CADM1: variants seen among roughly 807,000 people sequenced by gnomAD.
The protein encoded by CADM1 is cell adhesion molecule 1.
CADM1 carries 15 observed loss-of-function variants against 53.1 expected under a neutral mutation model. The ratio of observed to expected loss-of-function variants is 0.28; its 90% CI spans 0.19 to 0.44. The LOEUF is 0.44. Among genes scored for constraint, CADM1 ranks in the 20% least tolerant of loss-of-function variants. The pLI is 1.00. For synonymous variants in CADM1, 281 were observed against 243.0 expected, an observed-to-expected ratio of 1.16 and a Z score of -1.45; for missense variants, 434 against 611.3, an observed-to-expected ratio of 0.71 and a Z score of 3.06.
intron 7 of CADM1, among the ~76,000 whole-genome samples, chr11:115,210,596 C>T (rs1940913735): frequency 6.6e-6 from 1 of 152,220 alleles, no homozygotes; most frequent in African/African-American, 2.4e-5. Flanking sequence ...ACTAAGCAAT[C>T]ATTCTGCTAT....
In CADM1 at chr11:115,494,915, A is replaced by T. The variant is rs141130474; in HGVS notation, c.124+9356T>A. On this transcript the variant is annotated intron_variant, in intron 1 of 11. Coordinates refer to ENST00000331581, the MANE Select transcript of CADM1 (RefSeq NM_001301043.2). ...TCTTAACTGGGTATTCCACTTGCCA[A>T]CCTGGCCCAGAGATGGAGAGATTTG... Among the ~76,000 whole-genome samples the T allele has an allele frequency of 5.1e-3, 782 of 152,278 alleles. 6 individuals carry two copies. The highest frequency in any genetic ancestry group is 0.018 in the African/African-American group (751 of 41,548).
chr11:115,284,182 G>A lies in CADM1; in HGVS notation c.125-43762C>T, dbSNP rs919518425. 6.0e-5 allele frequency among the ~76,000 whole-genome samples: 9 copies of A among 150,814 alleles called. No homozygotes were observed. The South Asian group carries it at 6.3e-4, about 11-fold the overall frequency. ...TGGTGAGGAGGCAGAGAAAGCAGAC[G>A]TGGGCAGACAAGAGAAGCACTTGTA... On this transcript the variant is annotated intron_variant, in intron 1 of 11. Coordinates refer to ENST00000331581, the MANE Select transcript of CADM1 (RefSeq NM_001301043.2).
intron 1 of CADM1, among the ~76,000 whole-genome samples, chr11:115,266,678 A>G (rs1231526666): frequency 6.6e-6 from 1 of 152,216 alleles, no homozygotes; most frequent in African/African-American, 2.4e-5. Flanking sequence ...TTGTTCTGTC[A>G]GTAATATCTG....
chr11:115,226,088 AC>A (rs1941595897), intron 5 of CADM1, among the ~76,000 whole-genome samples: 1 of 152,152 alleles, frequency 6.6e-6, no homozygotes, highest in African/African-American at 2.4e-5. Flanking sequence ...ATTGTTTCTC[AC>A]CGAGAACATA....
Position 115,490,668 on chromosome 11 carries a change from G to T in CADM1, c.124+13603C>A, listed in dbSNP as rs568463704. Among the ~76,000 whole-genome samples the T allele has an allele frequency of 7.2e-5, 11 of 152,318 alleles. No homozygotes were observed. In the South Asian group the frequency reaches 2.3e-3, roughly 32 times the overall value. On this transcript the variant is annotated intron_variant, in intron 1 of 11. Transcript: ENST00000331581. Reference sequence around the variant, plus strand: ...CCACCTGGGCCTCCCAAAGTGCTGGGATTACAGGCGAGAGCCACCATGCCC... The same window carrying T: ...CCACCTGGGCCTCCCAAAGTGCTGGTATTACAGGCGAGAGCCACCATGCCC...
At chr11:115,416,175 A>T (rs560513035) in intron 1 of CADM1, among the ~76,000 whole-genome samples, 1 of 152,338 alleles carries the variant, frequency 6.6e-6, no homozygotes, top group South Asian at 2.1e-4. Flanking sequence ...CACAGAAGAC[A>T]CTGACAGAAA....
chr11:115,422,662 T>C (rs960658070), intron 1 of CADM1, among the ~76,000 whole-genome samples: 4 of 152,224 alleles, frequency 2.6e-5, no homozygotes, highest in Admixed American at 6.5e-5. Flanking sequence ...TAGACCCTTT[T>C]ACAAGTGCAA....
intron 1 of CADM1, among the ~76,000 whole-genome samples, chr11:115,372,396 C>T (rs1044756797): frequency 2.0e-5 from 3 of 152,094 alleles, no homozygotes; most frequent in African/African-American, 7.2e-5. Flanking sequence ...TGCTTTATAA[C>T]AGAAAAAAAT....
intron 1 of CADM1, among the ~76,000 whole-genome samples, chr11:115,469,489 G>T (rs1948964177): frequency 1.3e-5 from 2 of 152,152 alleles, no homozygotes; most frequent in Non-Finnish European, 2.9e-5. Context: ...TCAGTCTCTT[G>T]TTCCACATAA....
Position 115,173,960 on chromosome 11 carries a change from A to C in CADM1, c.*2514T>G. On this transcript the variant is annotated 3_prime_UTR_variant, in exon 12 of 12. Transcript: ENST00000331581. ...AAAAAGTGATCAACCTGTACAAAGTAATACTCAACAATACATTTCAAACAG... is the reference window on the plus strand; with the variant it reads ...AAAAAGTGATCAACCTGTACAAAGTCATACTCAACAATACATTTCAAACAG... The C allele has an allele frequency of 1.0e-6, 1 of 959,934 alleles. No homozygotes were observed. 59.5% of individuals were successfully genotyped at this position (959,934 alleles called of 1,614,324 possible). A position where few individuals can be genotyped will look rare whatever the true frequency, so the allele number is the denominator to read the frequency against.
At chr11:115,408,516 A>G (rs1159884753) in intron 1 of CADM1, among the ~76,000 whole-genome samples, 3 of 152,206 alleles carry the variant, frequency 2.0e-5, no homozygotes, top group Non-Finnish European at 4.4e-5. Context: ...GAAGTTCCCA[A>G]CTGTGTTGGT....
intron 1 of CADM1, among the ~76,000 whole-genome samples, chr11:115,283,502 A>G (rs994877979): frequency 6.6e-6 from 1 of 152,208 alleles, no homozygotes; most frequent in African/African-American, 2.4e-5. Flanking sequence ...AGGGAAGGGA[A>G]GAGGGTCTAA....
At position 115,172,787 on chromosome 11, in the gene CADM1, G is replaced by A. The variant is rs1938843857; in HGVS notation, c.*3687C>T. 6.9e-6 allele frequency: 1 copy of A among 145,014 alleles called. No individual in the cohort carries two copies. Among genetic ancestry groups the A allele is most frequent in the Admixed American group, 7.3e-5 (1 of 13,710 alleles). The allele number at this position is 145,014 out of a possible 1,614,324, so 9.0% of individuals were successfully genotyped here. ...AGAGACAGGTAAGAGACCAGGCCAG[G>A]ATGGAAGTGGCTCAAGGGGAGATGC... On this transcript the variant is annotated 3_prime_UTR_variant, in exon 12 of 12. Transcript: ENST00000331581.
At chr11:115,304,832 A>G (rs1591690204) in intron 1 of CADM1, among the ~76,000 whole-genome samples, 1 of 152,182 alleles carries the variant, frequency 6.6e-6, no homozygotes, top group African/African-American at 2.4e-5. Context: ...CTATTGTCAG[A>G]CAGTTTTTGT....
chr11:115,415,414 A>T (rs946487261), intron 1 of CADM1, among the ~76,000 whole-genome samples: 1 of 152,156 alleles, frequency 6.6e-6, no homozygotes, highest in African/African-American at 2.4e-5. Flanking sequence ...GCTAAAACCT[A>T]AAAAAAGAGA....
chr11:115,420,943 C>T (rs1459393278), intron 1 of CADM1, among the ~76,000 whole-genome samples: 3 of 152,172 alleles, frequency 2.0e-5, no homozygotes, highest in Non-Finnish European at 4.4e-5. Context: ...CAGTTAATTC[C>T]CTACTGCTTT....
intron 1 of CADM1, among the ~76,000 whole-genome samples, chr11:115,293,261 T>A (rs370128829): frequency 6.6e-6 from 1 of 152,016 alleles, no homozygotes. Context: ...TGAAACCCCG[T>A]CTCTACTAAA....
At chr11:115,466,757 T>G (rs1293878608) in intron 1 of CADM1, among the ~76,000 whole-genome samples, 1 of 152,182 alleles carries the variant, frequency 6.6e-6, no homozygotes. Flanking sequence ...GTTCTAACAT[T>G]TGTCATGCTT....
intron 1 of CADM1, among the ~76,000 whole-genome samples, chr11:115,265,998 C>T (rs1458515040): frequency 2.6e-5 from 4 of 152,142 alleles, no homozygotes; most frequent in South Asian, 4.1e-4. Context: ...GGGTTGAATG[C>T]GTCAGAAACC....
Sources: allele counts gnomAD v4.1 joint callset (sites outside exome capture counted in the v4.1 genomes callset), GRCh38; gene constraint gnomAD v4.1.1; transcripts MANE v1.5; gene names NCBI Gene and HGNC (gene_info 2026-07-23, HGNC 2026-07-21).